Variants in DIP2C observed in about 807,000 individuals in gnomAD.
DIP2C encodes DIP2 acetate--CoA ligase C (putative).
Under a neutral mutation model 192.4 loss-of-function variants are expected in DIP2C, and 33 were observed. The ratio of observed to expected loss-of-function variants is 0.17; its 90% CI spans 0.13 to 0.23. DIP2C has a LOEUF of 0.23. Ranked by LOEUF, DIP2C falls within the 10% of genes least tolerant of loss-of-function variation. The pLI, the probability that DIP2C is intolerant of heterozygous loss-of-function variation, is 1.00. For synonymous variants in DIP2C, 979 were observed against 864.1 expected (o/e 1.13, Z -2.33); for missense variants, 1,537 against 2,110.1 (o/e 0.73, Z 5.32).
intron 1 of DIP2C, among the ~76,000 whole-genome samples, chr10:542,525 C>G (rs967785431): frequency 6.6e-6 from 1 of 152,254 alleles, no homozygotes; most frequent in Non-Finnish European, 1.5e-5. Context: ...GCCGACAGCC[C>G]AGGCTCCAGA....
chr10:422,434 G>T (rs1460964596), intron 5 of DIP2C, among the ~76,000 whole-genome samples: 1 of 152,168 alleles, frequency 6.6e-6, no homozygotes, highest in African/African-American at 2.4e-5. Flanking sequence ...GAACACCTGT[G>T]GCAGACAGCA....
intron 18 of DIP2C, among the ~76,000 whole-genome samples, chr10:367,551 G>A (rs146747086): frequency 2.3e-4 from 35 of 152,298 alleles, no homozygotes; most frequent in African/African-American, 8.4e-4. Flanking sequence ...CGCTCGGCAG[G>A]GTACAGCTTC....
At chr10:517,202 C>T (rs1846418505) in intron 1 of DIP2C, among the ~76,000 whole-genome samples, 1 of 152,148 alleles carries the variant, frequency 6.6e-6, no homozygotes, top group Non-Finnish European at 1.5e-5. Flanking sequence ...TTTCCCTTCT[C>T]CATTTCTCCA....
In DIP2C at chr10:423,042, GAAGA is replaced by G. The variant is rs1369570128; in HGVS notation, c.395-13_395-10del. On this transcript the variant is annotated splice_polypyrimidine_tract_variant and intron_variant, in intron 4 of 36. Coordinates refer to ENST00000280886, the MANE Select transcript of DIP2C (RefSeq NM_014974.3). ...TGAGCCAGAAGAGGTATCTGTGTAA[GAAGA>G]AAGGTGATTTGCTGTATGTTGCAGC... The G allele has an allele frequency of 1.3e-5, 21 of 1,587,466 alleles. No individual in the cohort carries two copies. Among genetic ancestry groups the G allele is most frequent in the East Asian group, 2.2e-5 (1 of 44,506 alleles).
At chr10:423,725 G>T (rs1374347930) in intron 4 of DIP2C, among the ~76,000 whole-genome samples, 1 of 151,614 alleles carries the variant, frequency 6.6e-6, no homozygotes, top group East Asian at 1.9e-4. Flanking sequence ...CTACGTCGGT[G>T]TGTGTGTGTT....
rs1183083828 is a variant in DIP2C at position 382,667 on chromosome 10, G to A, written c.1971C>T (p.Ala657=). ...VICPCASSPE[A]LTVAIRRPTD... is the part of the protein sequence containing the mutation. The stretch of plus-strand genomic sequence containing the variant: ...AGTACCTCCGGATGGCCACAGTGAG[G>A]GCCTCTGGCGAGCTGGCACAAGGAC... The change falls in exon 17 of 37, where the codon GCC becomes GCT. Residue 657 remains alanine (A), a synonymous_variant. Coordinates refer to ENST00000280886, the MANE Select transcript of DIP2C (RefSeq NM_014974.3). The A allele has an allele frequency of 1.2e-6, 2 of 1,613,772 alleles. No individual in the cohort carries two copies. The highest frequency in any genetic ancestry group is 1.7e-6 in the Non-Finnish European group (2 of 1,179,890).
At chr10:594,965 A>G (rs961309081) in intron 1 of DIP2C, among the ~76,000 whole-genome samples, 1 of 152,222 alleles carries the variant, frequency 6.6e-6, no homozygotes, top group African/African-American at 2.4e-5. Context: ...GAGAGGAGAC[A>G]GAACACGCCC....
At chr10:519,695 C>CT (rs1231097430) in intron 1 of DIP2C, among the ~76,000 whole-genome samples, 1 of 152,282 alleles carries the variant, frequency 6.6e-6, no homozygotes, top group Non-Finnish European at 1.5e-5. Flanking sequence ...ACCTGACCCT[C>CT]TCAAGGGCGC....
intron 1 of DIP2C, among the ~76,000 whole-genome samples, chr10:568,300 TGAG>T (rs1280552035): frequency 6.6e-6 from 1 of 152,024 alleles, no homozygotes; most frequent in African/African-American, 2.4e-5. Flanking sequence ...TCCTTGCAAA[TGAG>T]GAGTGAAGAT....
intron 1 of DIP2C, among the ~76,000 whole-genome samples, chr10:527,341 A>G (rs1231728432): frequency 1.3e-5 from 2 of 152,156 alleles, no homozygotes; most frequent in African/African-American, 4.8e-5. Flanking sequence ...ACCTCAGCAA[A>G]TATTGCTGAT....
intron 1 of DIP2C, among the ~76,000 whole-genome samples, chr10:558,029 T>C (rs1849003047): frequency 1.3e-5 from 2 of 152,202 alleles, no homozygotes; most frequent in South Asian, 2.1e-4. Context: ...GACAGAATTA[T>C]AATAAAATGC....
At chr10:477,793 G>A (rs1588234491) in intron 2 of DIP2C, among the ~76,000 whole-genome samples, 1 of 134,160 alleles carries the variant, frequency 7.5e-6, no homozygotes, top group East Asian at 2.3e-4. Context: ...AGAGAAAGAA[G>A]GGAAGGAAGG....
At chr10:664,259 C>T (rs1223138602) in intron 1 of DIP2C, 1 of 152,226 alleles carries the variant, frequency 6.6e-6, no homozygotes, top group Non-Finnish European at 1.5e-5. Flanking sequence ...GTCTTGCAAT[C>T]GATAAACGTT....
chr10:590,353 C>T (rs1402404373), intron 1 of DIP2C, among the ~76,000 whole-genome samples: 1 of 152,244 alleles, frequency 6.6e-6, no homozygotes, highest in African/African-American at 2.4e-5. Context: ...AAAACCACAG[C>T]AAGCTGTTCC....
rs116673686 is a variant in DIP2C at position 436,101 on chromosome 10, G to C, written c.394+4770C>G. ...TATTAACTGGTGTCTTTCACACAGCGAATTCAGTTCAGACCGGGCGCACTT... is the reference window on the plus strand; with the variant it reads ...TATTAACTGGTGTCTTTCACACAGCCAATTCAGTTCAGACCGGGCGCACTT... On this transcript the variant is annotated intron_variant, in intron 4 of 36. Transcript: ENST00000280886. 2.0e-5 allele frequency among the ~76,000 whole-genome samples: 3 copies of C among 152,198 alleles called. No individual in the cohort carries two copies. In the East Asian group the frequency reaches 5.8e-4, roughly 29 times the overall value.
At chr10:353,359 CAA>C (rs1206963301) in intron 24 of DIP2C, among the ~76,000 whole-genome samples, 7 of 152,166 alleles carry the variant, frequency 4.6e-5, no homozygotes, top group South Asian at 2.1e-4. Context: ...TAAAAAAGGT[CAA>C]AAGAGTTGGC....
intron 29 of DIP2C, among the ~76,000 whole-genome samples, chr10:337,296 G>T (rs1324644452): frequency 7.3e-6 from 1 of 137,582 alleles, no homozygotes. Context: ...TGGAGGCCTA[G>T]GCAGCTGTGT....
At chr10:650,323 C>G (rs1855780914) in intron 1 of DIP2C, 1 of 716,566 alleles carries the variant, frequency 1.4e-6, no homozygotes, top group Non-Finnish European at 2.6e-6. Context: ...GGCTGTGGAC[C>G]ACGCCAGCCC....
intron 1 of DIP2C, among the ~76,000 whole-genome samples, chr10:491,679 T>C (rs1003204319): frequency 6.6e-6 from 1 of 152,244 alleles, no homozygotes; most frequent in Non-Finnish European, 1.5e-5. Flanking sequence ...ATCTACTTGC[T>C]GCCGCAGATG....
Sources: gnomAD v4.1 joint callset for allele counts (sites outside exome capture counted in the v4.1 genomes callset) on GRCh38, gnomAD v4.1.1 for gene constraint, MANE v1.5 for transcripts, NCBI Gene and HGNC (gene_info 2026-07-23, HGNC 2026-07-21) for gene names.